Variants in FSIP1 observed in about 807,000 individuals in gnomAD.
FSIP1 encodes the protein fibrous sheath-interacting protein 1.
In FSIP1, 65 loss-of-function variants were observed where a neutral mutation model predicts 60.9. The ratio of observed to expected loss-of-function variants is 1.07; its 90% CI spans 0.87 to 1.31. The LOEUF is 1.31. FSIP1 is among the 40% of genes most tolerant of loss of function. The pLI, the probability that FSIP1 is intolerant of heterozygous loss-of-function variation, is 0.00. For missense variants in FSIP1, 675 were observed against 665.5 expected, an observed-to-expected ratio of 1.01 and a Z score of -0.16; for synonymous variants, 209 against 221.2, an observed-to-expected ratio of 0.94 and a Z score of 0.49.
chr15:39,714,236 G>A (rs556637155), intron 9 of FSIP1, among the ~76,000 whole-genome samples: 35 of 152,228 alleles, frequency 2.3e-4, no homozygotes, highest in Middle Eastern at 3.4e-3. Context: ...ATTACATAAT[G>A]AAAGTACTTC....
intron 5 of FSIP1, among the ~76,000 whole-genome samples, chr15:39,744,221 T>C (rs887882822): frequency 3.9e-5 from 6 of 152,152 alleles, no homozygotes; most frequent in Admixed American, 6.5e-5. Context: ...TTAAATCTGA[T>C]CAAAATTCAA....
rs530535627 is a variant in FSIP1, at chr15:39,770,696, G to A, written c.127-86C>T. 6 of 745,282 alleles carry A rather than the reference G, an allele frequency of 8.1e-6. No homozygotes were observed. The South Asian group carries it at 1.3e-4, about 16-fold the overall frequency. 46.2% of individuals were successfully genotyped at this position (745,282 alleles called of 1,614,324 possible). On this transcript the variant is annotated intron_variant, in intron 2 of 11. Coordinates refer to ENST00000350221, the MANE Select transcript of FSIP1 (RefSeq NM_152597.5). ...ATTTCTAGAATATTTTGACACTAAT[G>A]GAAGCAGATGGAGAATGTACATAAA... is the stretch of plus-strand genomic sequence containing the variant.
intron 10 of FSIP1, among the ~76,000 whole-genome samples, chr15:39,701,226 T>A (rs1895045397): frequency 6.6e-6 from 1 of 152,052 alleles, no homozygotes; most frequent in Admixed American, 6.6e-5. Context: ...AATAAACTGT[T>A]CAATGTAAAA....
chr15:39,663,552 C>A (rs1260288253), intron 10 of FSIP1, among the ~76,000 whole-genome samples: 1 of 151,996 alleles, frequency 6.6e-6, no homozygotes, highest in Non-Finnish European at 1.5e-5. Context: ...CAGTTATATT[C>A]AAATCAAAAC....
chr15:39,644,005 G>T (rs1037219126), intron 10 of FSIP1, among the ~76,000 whole-genome samples: 2 of 152,154 alleles, frequency 1.3e-5, no homozygotes, highest in African/African-American at 4.8e-5. Context: ...AGGACCTAAC[G>T]TCATGAGGTT....
In FSIP1 at chr15:39,713,097, T is replaced by C. The variant is rs138918244; in HGVS notation, c.1188+347A>G. ...ATATGTTATTTAATGTTTTATATTA[T>C]ATAAATTGCTTAAATTAAGAATAAT... is the stretch of plus-strand genomic sequence containing the variant. On this transcript the variant is annotated intron_variant, in intron 10 of 11. Transcript: ENST00000350221. Among the ~76,000 whole-genome samples the C allele has an allele frequency of 3.5e-4, 53 of 152,350 alleles. 1 individual carries two copies. Among genetic ancestry groups the C allele is most frequent in the African/African-American group, 1.2e-3 (50 of 41,588 alleles).
At chr15:39,706,696 T>C (rs1234273245) in intron 10 of FSIP1, among the ~76,000 whole-genome samples, 1 of 152,192 alleles carries the variant, frequency 6.6e-6, no homozygotes, top group African/African-American at 2.4e-5. Context: ...TCCCTTTAAA[T>C]ACTGTGTGTT....
intron 10 of FSIP1, among the ~76,000 whole-genome samples, chr15:39,678,907 T>A (rs999757670): frequency 3.9e-5 from 6 of 152,284 alleles, no homozygotes; most frequent in South Asian, 2.1e-4. Context: ...GGTTTTTAGG[T>A]TTTTTAATTC....
chr15:39,766,641 G>C (rs1897699455), intron 3 of FSIP1, among the ~76,000 whole-genome samples: 1 of 152,162 alleles, frequency 6.6e-6, no homozygotes, highest in Admixed American at 6.5e-5. Flanking sequence ...CTTAGCCACA[G>C]ATAATATTCT....
intron 10 of FSIP1, among the ~76,000 whole-genome samples, chr15:39,631,541 G>A (rs1891889223): frequency 1.3e-5 from 2 of 152,160 alleles, no homozygotes; most frequent in East Asian, 1.9e-4. Context: ...CCTACAGGCA[G>A]AGGCGAAGTA....
chr15:39,598,820 CA>C (rs1374927206), downstream of FSIP1: 7 of 152,030 alleles, frequency 4.6e-5, no homozygotes, highest in Non-Finnish European at 8.8e-5. Context: ...GTGGTGCCAG[CA>C]GTTTTTTTTT....
At chr15:39,686,745 G>A (rs1224278704) in intron 10 of FSIP1, among the ~76,000 whole-genome samples, 2 of 152,194 alleles carry the variant, frequency 1.3e-5, no homozygotes, top group Non-Finnish European at 2.9e-5. Context: ...TTTAAAACAG[G>A]TCTAGATTAT....
intron 3 of FSIP1, among the ~76,000 whole-genome samples, chr15:39,769,257 C>T (rs910701041): frequency 2.8e-5 from 4 of 144,182 alleles, no homozygotes; most frequent in East Asian, 4.1e-4. Flanking sequence ...CCAGCCTGGG[C>T]GACAGAGCGA....
intron 10 of FSIP1, 106 bp from the exon 11 acceptor site, chr15:39,618,351 C>G: frequency 1.2e-6 from 1 of 813,756 alleles, no homozygotes; most frequent in South Asian, 1.8e-5. Flanking sequence ...ACCCCTTACA[C>G]AACACATAAA....
chr15:39,745,630 ACACT>A (rs1415099159), intron 5 of FSIP1, among the ~76,000 whole-genome samples: 8 of 152,198 alleles, frequency 5.3e-5, no homozygotes, highest in African/African-American at 1.9e-4. Context: ...AGACACACCC[ACACT>A]CACTCACAGT....
At chr15:39,720,756 G>C (rs965035364) in intron 9 of FSIP1, among the ~76,000 whole-genome samples, 1 of 151,964 alleles carries the variant, frequency 6.6e-6, no homozygotes, top group Admixed American at 6.6e-5. Context: ...TTTATGGTGG[G>C]ATTTACAATA....
intron 2 of FSIP1, 148 bp downstream of exon 2, chr15:39,776,251 T>C: frequency 1.9e-6 from 1 of 534,488 alleles, no homozygotes; most frequent in Non-Finnish European, 3.1e-6. Flanking sequence ...CATATTAATC[T>C]AGATTAAAAT....
At chr15:39,645,830 T>TG (rs1892577181) in intron 10 of FSIP1, among the ~76,000 whole-genome samples, 1 of 152,184 alleles carries the variant, frequency 6.6e-6, no homozygotes, top group African/African-American at 2.4e-5. Flanking sequence ...GGAGCGGGGT[T>TG]GGGGCCGAGC....
At position 39,705,708 on chromosome 15, in the gene FSIP1, C is replaced by CAT. The variant is rs202206881; in HGVS notation, c.1188+7734_1188+7735dup. Reference sequence around the variant, plus strand: ...GTATCATATATTTTCAATTAAAAGTCATATATTAATCAGGTGCAGTGGCTC... The same window carrying CAT: ...GTATCATATATTTTCAATTAAAAGTCATATATATTAATCAGGTGCAGTGGCTC... On this transcript the variant is annotated intron_variant, in intron 10 of 11. Coordinates refer to ENST00000350221, the MANE Select transcript of FSIP1 (RefSeq NM_152597.5). Among the ~76,000 whole-genome samples, 1,055 of 151,930 alleles carry CAT rather than the reference C, an allele frequency of 6.9e-3. 8 individuals carry two copies. The highest frequency in any genetic ancestry group is 0.011 in the Non-Finnish European group (729 of 67,950).
Sources: allele counts gnomAD v4.1 joint callset (sites outside exome capture counted in the v4.1 genomes callset), GRCh38; gene constraint gnomAD v4.1.1; transcripts MANE v1.5; gene names NCBI Gene and HGNC (gene_info 2026-07-23, HGNC 2026-07-21).